SH3GL2: variants seen among roughly 807,000 people sequenced by gnomAD.
SH3GL2 encodes the protein SH3 domain containing GRB2 like 2, endophilin A1, also known as endophilin-A1.
SH3GL2 carries 24 observed loss-of-function variants against 46.0 expected under a neutral mutation model. The ratio of observed to expected loss-of-function variants is 0.52; its 90% confidence interval spans 0.38 to 0.73. The LOEUF is 0.73. Among genes scored for constraint, SH3GL2 ranks in the 30% least tolerant of loss-of-function variants. SH3GL2 has a pLI of 0.00. For synonymous variants in SH3GL2, 196 were observed against 147.1 expected, an observed-to-expected ratio of 1.33 and a Z score of -2.40; for missense variants, 413 against 424.2, an observed-to-expected ratio of 0.97 and a Z score of 0.23.
At chr9:17,794,941 C>T (rs774335908) in intron 8 of SH3GL2, among the ~76,000 whole-genome samples, 7 of 152,154 alleles carry the variant, frequency 4.6e-5, no homozygotes, top group South Asian at 2.1e-4. Context: ...AAACTGAGAG[C>T]GAAGTACCAT....
In SH3GL2 at chr9:17,736,431, G is replaced by A. The variant is rs1822336943; in HGVS notation, c.46-10635G>A. Among the ~76,000 whole-genome samples, 3 of 152,136 alleles carry A rather than the reference G, an allele frequency of 2.0e-5. No individual in the cohort carries two copies. In the South Asian group the frequency reaches 6.2e-4, roughly 32 times the overall value. On this transcript the variant is annotated intron_variant, in intron 1 of 8. Transcript: ENST00000380607. ...TTCTGTCTGGGGTGTCTTCTTGCAT[G>A]CCCCCTGGTTGTCCATCCACTTTCA...
intron 1 of SH3GL2, among the ~76,000 whole-genome samples, chr9:17,603,977 A>G (rs1023374983): frequency 2.6e-5 from 4 of 152,198 alleles, no homozygotes; most frequent in African/African-American, 9.6e-5. Context: ...CTACAAATAA[A>G]AGTTAAAAAA....
intron 1 of SH3GL2, among the ~76,000 whole-genome samples, chr9:17,626,526 A>G (rs1819285144): frequency 6.6e-6 from 1 of 152,190 alleles, no homozygotes; most frequent in Admixed American, 6.5e-5. Flanking sequence ...AATGGCAGTA[A>G]TGATTTTTAT....
At chr9:17,625,363 G>A (rs1213613439) in intron 1 of SH3GL2, among the ~76,000 whole-genome samples, 1 of 152,152 alleles carries the variant, frequency 6.6e-6, no homozygotes, top group Non-Finnish European at 1.5e-5. Flanking sequence ...TACTACTGTG[G>A]CAACACACAG....
At chr9:17,623,439 A>G (rs1225864115) in intron 1 of SH3GL2, among the ~76,000 whole-genome samples, 2 of 152,110 alleles carry the variant, frequency 1.3e-5, no homozygotes, top group Non-Finnish European at 2.9e-5. Flanking sequence ...ATGACCTATC[A>G]ATCTTAGGGA....
intron 3 of SH3GL2, among the ~76,000 whole-genome samples, chr9:17,774,694 C>T (rs1040225448): frequency 1.3e-5 from 2 of 151,994 alleles, no homozygotes; most frequent in African/African-American, 2.4e-5. Flanking sequence ...ATTTGCTTTG[C>T]TAGCATTTTG....
Position 17,746,952 on chromosome 9 carries a change from A to G in SH3GL2, c.46-114A>G, listed in dbSNP as rs1822706730. ...AAAAATGAGACTCTCCACCTAAGTC[A>G]GGGAATGGTTGTGAGATTACATTAG... On this transcript the variant is annotated intron_variant, in intron 1 of 8. Coordinates refer to ENST00000380607, the MANE Select transcript of SH3GL2 (RefSeq NM_003026.5). 22 of 689,510 alleles carry G rather than the reference A, an allele frequency of 3.2e-5. No homozygotes were observed. In the South Asian group the frequency reaches 4.1e-4, roughly 13 times the overall value. The allele number at this position is 689,510 out of a possible 1,614,324, so 42.7% of individuals were successfully genotyped here. A position where few individuals can be genotyped will look rare whatever the true frequency, so the allele number is the denominator to read the frequency against.
At chr9:17,769,564 C>T (rs1270659901) in intron 3 of SH3GL2, among the ~76,000 whole-genome samples, 1 of 152,112 alleles carries the variant, frequency 6.6e-6, no homozygotes, top group East Asian at 1.9e-4. Flanking sequence ...CTGGAACACT[C>T]TTCTCCAGCT....
In SH3GL2 at chr9:17,705,055, A is replaced by G. The variant is rs577375946; in HGVS notation, c.46-42011A>G. Among the ~76,000 whole-genome samples, 4 of 152,166 alleles carry G rather than the reference A, an allele frequency of 2.6e-5. No homozygotes were observed. The East Asian group carries it at 7.7e-4, about 29-fold the overall frequency. On this transcript the variant is annotated intron_variant, in intron 1 of 8. Transcript: ENST00000380607. ...AAGGAACTTAAATTTACAAACAAAAAAAAACCCCATTAAAAAATGCACAAA... is the reference window on the plus strand; with the variant it reads ...AAGGAACTTAAATTTACAAACAAAAGAAAACCCCATTAAAAAATGCACAAA...
chr9:17,766,262 C>T lies in SH3GL2; in HGVS notation c.187+4753C>T, dbSNP rs1034796210. Among the ~76,000 whole-genome samples, 47 of 152,194 alleles carry T rather than the reference C, an allele frequency of 3.1e-4. 1 individual carries two copies. Among genetic ancestry groups the T allele is most frequent in the Admixed American group, 9.8e-4 (15 of 15,274 alleles). On this transcript the variant is annotated intron_variant, in intron 3 of 8. Coordinates refer to ENST00000380607, the MANE Select transcript of SH3GL2 (RefSeq NM_003026.5). ...CGTCTGCCCTGTGAGGGTGGGCTTT[C>T]GAGAACGCAGGACAGACAGCTGTAA...
chr9:17,738,700 A>G (rs1487477029), intron 1 of SH3GL2, among the ~76,000 whole-genome samples: 1 of 148,664 alleles, frequency 6.7e-6, no homozygotes, highest in Non-Finnish European at 1.5e-5. Flanking sequence ...GAATTGCCTC[A>G]TGTGATTATG....
chr9:17,738,641 T>TATATATATATAG (rs376280314), intron 1 of SH3GL2, among the ~76,000 whole-genome samples: 1,353 of 88,786 alleles, frequency 0.015, 38 homozygotes, highest in East Asian at 0.027. Flanking sequence ...TATATATATA[T>TATATATATATAG]AGAGAGAGAG....
chr9:17,755,278 T>C (rs1822955815), intron 2 of SH3GL2, among the ~76,000 whole-genome samples: 1 of 152,238 alleles, frequency 6.6e-6, no homozygotes, highest in African/African-American at 2.4e-5. Context: ...GTTTATGTGA[T>C]GAATCATATT....
intron 1 of SH3GL2, among the ~76,000 whole-genome samples, chr9:17,679,205 C>G (rs1225285420): frequency 6.6e-6 from 1 of 152,144 alleles, no homozygotes; most frequent in Non-Finnish European, 1.5e-5. Context: ...GGCATTGAAT[C>G]CATAAATTAC....
chr9:17,613,872 T>C (rs933586707), intron 1 of SH3GL2, among the ~76,000 whole-genome samples: 2 of 152,204 alleles, frequency 1.3e-5, no homozygotes, highest in Admixed American at 1.3e-4. Flanking sequence ...CCTGGCTGAC[T>C]AAGCTCATCT....
Position 17,765,524 on chromosome 9 carries a change from A to T in SH3GL2, c.187+4015A>T, listed in dbSNP as rs138497963. Among the ~76,000 whole-genome samples, 22 of 152,268 alleles carry T rather than the reference A, an allele frequency of 1.4e-4. No homozygotes were observed. The East Asian group carries it at 4.2e-3, about 29-fold the overall frequency. On this transcript the variant is annotated intron_variant, in intron 3 of 8. Coordinates refer to ENST00000380607, the MANE Select transcript of SH3GL2 (RefSeq NM_003026.5). The stretch of plus-strand genomic sequence containing the variant: ...CTCCAGAATGATATTTTAAAAAGCA[A>T]ATTTGGTCATATTATGTAAAACCCT...
At chr9:17,795,327 A>G (rs1264105747) in intron 8 of SH3GL2, among the ~76,000 whole-genome samples, 1 of 152,202 alleles carries the variant, frequency 6.6e-6, no homozygotes, top group East Asian at 1.9e-4. Flanking sequence ...GCAACTTCCA[A>G]AGGTCCGAGA....
In SH3GL2 at chr9:17,579,337, A is replaced by AG. The variant is rs550137277; in HGVS notation, c.45+54dup. 177 of 1,364,910 alleles carry AG rather than the reference A, an allele frequency of 1.3e-4. No homozygotes were observed. The African/African-American group carries it at 2.4e-3, about 18-fold the overall frequency. 84.5% of individuals were successfully genotyped at this position (1,364,910 alleles called of 1,614,324 possible). ...CGGGGCAGTCCGGGGCGAAGCTGCG[A>AG]GGGGCGCGCTCGGCGCTGGCCGTCC... On this transcript the variant is annotated intron_variant, in intron 1 of 8. Coordinates refer to ENST00000380607, the MANE Select transcript of SH3GL2 (RefSeq NM_003026.5).
chr9:17,785,115 G>A (rs908944867), intron 3 of SH3GL2, among the ~76,000 whole-genome samples: 2 of 152,100 alleles, frequency 1.3e-5, no homozygotes, highest in South Asian at 2.1e-4. Context: ...GCCTTTACAT[G>A]TGCTGTTAGC....
Sources: allele counts gnomAD v4.1 joint callset (sites outside exome capture counted in the v4.1 genomes callset), GRCh38; gene constraint gnomAD v4.1.1; transcripts MANE v1.5; gene names NCBI Gene and HGNC (gene_info 2026-07-23, HGNC 2026-07-21).